Variants in CUX1 observed in about 807,000 individuals in gnomAD.
The protein encoded by CUX1 is cut like homeobox 1, also known as protein CASP.
In CUX1, 31 loss-of-function variants were observed where a neutral mutation model predicts 158.8. The ratio of observed to expected loss-of-function variants is 0.20; its 90% CI spans 0.15 to 0.26. CUX1 has a LOEUF of 0.26. Ranked by LOEUF, CUX1 falls within the 10% of genes least tolerant of loss-of-function variation. The probability of loss-of-function intolerance (pLI) is 1.00; values close to 1 mark genes in which losing one functional copy is unlikely to be tolerated. For synonymous variants in CUX1, 879 were observed against 862.1 expected, an observed-to-expected ratio of 1.02 and a Z score of -0.34; for missense variants, 1,589 against 2,014.6, an observed-to-expected ratio of 0.79 and a Z score of 4.04.
At chr7:102,275,834 C>A (rs1791567559) in intron 17 of CUX1, among the ~76,000 whole-genome samples, 1 of 151,940 alleles carries the variant, frequency 6.6e-6, no homozygotes, top group Non-Finnish European at 1.5e-5. Context: ...CATGGTGAAA[C>A]CCCGTCTCTA....
At chr7:102,139,659 A>AT (rs1162544296) in intron 8 of CUX1, among the ~76,000 whole-genome samples, 8 of 150,446 alleles carry the variant, frequency 5.3e-5, no homozygotes, top group Non-Finnish European at 8.9e-5. Context: ...TCCAAAATGA[A>AT]TTTTTTTTTT....
intron 3 of CUX1, among the ~76,000 whole-genome samples, chr7:102,063,383 C>CT (rs11368644): frequency 0.42 from 38,043 of 89,860 alleles, 8,524 homozygotes; most frequent in East Asian, 0.76. Context: ...ATTTCCTTTT[C>CT]TTTTTTTTTT....
chr7:102,281,964 C>A, intron 21 of CUX1: 1 of 1,341,994 alleles, frequency 7.5e-7, no homozygotes, highest in Non-Finnish European at 1.1e-6. Flanking sequence ...TCACCATCCC[C>A]AGCCCTGACC....
chr7:102,151,343 A>G (rs1835633310), intron 8 of CUX1, among the ~76,000 whole-genome samples: 1 of 152,092 alleles, frequency 6.6e-6, no homozygotes, highest in Non-Finnish European at 1.5e-5. Context: ...ACCTGAGGTC[A>G]GGAGTTCGAG....
At chr7:101,859,714 T>C (rs1220134879) in intron 1 of CUX1, among the ~76,000 whole-genome samples, 1 of 152,200 alleles carries the variant, frequency 6.6e-6, no homozygotes, top group Non-Finnish European at 1.5e-5. Context: ...CCTCTTCTTA[T>C]TGAGCAATGG....
chr7:101,867,161 G>A (rs1323025904), intron 1 of CUX1, among the ~76,000 whole-genome samples: 1 of 152,174 alleles, frequency 6.6e-6, no homozygotes, highest in Non-Finnish European at 1.5e-5. Flanking sequence ...AGGCTGCAGT[G>A]AGCTGAGATT....
At chr7:102,047,225 C>T (rs1378972465) in intron 3 of CUX1, among the ~76,000 whole-genome samples, 1 of 152,088 alleles carries the variant, frequency 6.6e-6, no homozygotes, top group East Asian at 1.9e-4. Context: ...GCTTGGCGCT[C>T]TGTTAAGTGA....
At chr7:101,986,297 T>G (rs11975995) in intron 2 of CUX1, among the ~76,000 whole-genome samples, 26,046 of 152,246 alleles carry the variant, frequency 0.17, 2,482 homozygotes, top group Middle Eastern at 0.22. Flanking sequence ...GAGTGTGGAA[T>G]TTAGTGTTTT....
intron 3 of CUX1, among the ~76,000 whole-genome samples, chr7:102,069,882 C>T (rs539714038): frequency 3.2e-4 from 48 of 152,328 alleles, no homozygotes; most frequent in African/African-American, 1.2e-3. Context: ...ACTTTACTGC[C>T]TGAAGTTCCC....
intron 6 of CUX1, among the ~76,000 whole-genome samples, chr7:102,110,964 T>C (rs1830823791): frequency 6.6e-6 from 1 of 152,186 alleles, no homozygotes; most frequent in South Asian, 2.1e-4. Context: ...ATATTAACAG[T>C]GCTTTTCTAG....
At chr7:102,241,770 G>A (rs937774933) in intron 23 of CUX1, among the ~76,000 whole-genome samples, 6 of 152,344 alleles carry the variant, frequency 3.9e-5, no homozygotes, top group East Asian at 3.9e-4. Flanking sequence ...CCCTGGCCCC[G>A]CACAGGCCTC....
intron 8 of CUX1, among the ~76,000 whole-genome samples, chr7:102,155,709 T>C (rs1789678586): frequency 6.6e-6 from 1 of 152,234 alleles, no homozygotes; most frequent in African/African-American, 2.4e-5. Flanking sequence ...CTGATATGTT[T>C]TAAGACCCTT....
intron 3 of CUX1, among the ~76,000 whole-genome samples, chr7:102,064,309 C>G (rs904676432): frequency 6.6e-6 from 1 of 152,108 alleles, no homozygotes; most frequent in Non-Finnish European, 1.5e-5. Context: ...CTTGGCCTCC[C>G]AAAGTGCTGG....
intron 2 of CUX1, among the ~76,000 whole-genome samples, chr7:101,963,665 T>TA (rs1447989556): frequency 6.6e-6 from 1 of 152,154 alleles, no homozygotes; most frequent in African/African-American, 2.4e-5. Flanking sequence ...TATATATATA[T>TA]TTTAAGAGAC....
At chr7:102,000,863 G>C (rs1816602951) in intron 2 of CUX1, among the ~76,000 whole-genome samples, 1 of 151,800 alleles carries the variant, frequency 6.6e-6, no homozygotes. Context: ...TCAAACTCTT[G>C]GGCTCAGGTG....
At chr7:101,895,060 G>T (rs952115385) in intron 1 of CUX1, among the ~76,000 whole-genome samples, 9 of 151,844 alleles carry the variant, frequency 5.9e-5, no homozygotes, top group African/African-American at 2.2e-4. Flanking sequence ...TTGCTGTGTC[G>T]CCCAGGCTGG....
At chr7:101,898,300 T>C (rs1189331105) in intron 1 of CUX1, among the ~76,000 whole-genome samples, 1 of 152,214 alleles carries the variant, frequency 6.6e-6, no homozygotes, top group African/African-American at 2.4e-5. Flanking sequence ...AATTCCATGT[T>C]ACGGCTGCCA....
At chr7:102,004,164 T>C (rs1817045777) in intron 2 of CUX1, among the ~76,000 whole-genome samples, 1 of 152,208 alleles carries the variant, frequency 6.6e-6, no homozygotes, top group Non-Finnish European at 1.5e-5. Flanking sequence ...GACAGGGCTT[T>C]GATATCCTGC....
chr7:101,832,207 GT>G (rs1365236569), intron 1 of CUX1, among the ~76,000 whole-genome samples: 1 of 152,192 alleles, frequency 6.6e-6, no homozygotes, highest in Non-Finnish European at 1.5e-5. Flanking sequence ...ATGCCAGGCT[GT>G]GGCCGTGCCA....
Sources: allele counts gnomAD v4.1 joint callset (sites outside exome capture counted in the v4.1 genomes callset), GRCh38; gene constraint gnomAD v4.1.1; transcripts MANE v1.5; gene names NCBI Gene and HGNC (gene_info 2026-07-23, HGNC 2026-07-21).